Variants in INSYN2B observed in about 807,000 individuals in gnomAD.
The protein encoded by INSYN2B is protein INSYN2B.
In INSYN2B, 16 loss-of-function variants were observed where a neutral mutation model predicts 41.2. That is an observed-to-expected ratio of 0.39 (90% CI 0.26 to 0.59). The LOEUF is 0.59. INSYN2B is among the 20% of genes least tolerant of loss of function. The probability of loss-of-function intolerance (pLI) is 0.57; values close to 1 mark genes in which losing one functional copy is unlikely to be tolerated. For synonymous variants in INSYN2B, 245 were observed against 244.4 expected (o/e 1.00, Z -0.02); for missense variants, 608 against 646.4 (o/e 0.94, Z 0.64).
At chr5:169,922,595 C>T (rs1775234295) in intron 1 of INSYN2B, among the ~76,000 whole-genome samples, 1 of 152,194 alleles carries the variant, frequency 6.6e-6, no homozygotes. Context: ...TAGAGAATAT[C>T]ACCTACATTA....
intron 1 of INSYN2B, among the ~76,000 whole-genome samples, chr5:169,940,189 C>CT (rs1468058256): frequency 6.6e-6 from 1 of 152,190 alleles, no homozygotes; most frequent in Non-Finnish European, 1.5e-5. Context: ...AAGGGACCTG[C>CT]TGCTTTAACA....
At chr5:169,936,537 G>A (rs572809264) in intron 1 of INSYN2B, among the ~76,000 whole-genome samples, 2 of 150,256 alleles carry the variant, frequency 1.3e-5, no homozygotes, top group African/African-American at 4.9e-5. Flanking sequence ...TGTGTATTTC[G>A]ATGGGCATGT....
chr5:169,934,805 G>T, intron 1 of INSYN2B: 1 of 441,124 alleles, frequency 2.3e-6, no homozygotes, highest in South Asian at 1.6e-5. Context: ...ATTATTATCT[G>T]TATGATAAAT....
intron 1 of INSYN2B, among the ~76,000 whole-genome samples, chr5:169,894,565 G>C (rs1025722819): frequency 1.3e-5 from 2 of 150,284 alleles, no homozygotes; most frequent in African/African-American, 2.4e-5. Context: ...GGAAGAGAAG[G>C]GGGGAAGTTT....
intron 1 of INSYN2B, among the ~76,000 whole-genome samples, chr5:169,938,274 C>G (rs1013093464): frequency 6.6e-6 from 1 of 150,746 alleles, no homozygotes; most frequent in Non-Finnish European, 1.5e-5. Context: ...CTGGGATGTC[C>G]GTGTCCAAAC....
In INSYN2B at chr5:169,882,546, T is replaced by A; in HGVS notation, c.1346+7A>T. The A allele has an allele frequency of 1.3e-6, 2 of 1,531,564 alleles. No homozygotes were observed. The highest frequency in any genetic ancestry group is 1.8e-6 in the Non-Finnish European group (2 of 1,133,658). The allele number at this position is 1,531,564 out of a possible 1,614,324, so 94.9% of individuals were successfully genotyped here. On this transcript the variant is annotated splice_region_variant and intron_variant, in intron 2 of 3. Coordinates refer to ENST00000377365, the MANE Select transcript of INSYN2B (RefSeq NM_001129891.3). ...TCATTTTTAATATGAAAAAAAAATCTCCTTACCCTTCAGTGAGAGCTCGAG... is the reference window on the plus strand; with the variant it reads ...TCATTTTTAATATGAAAAAAAAATCACCTTACCCTTCAGTGAGAGCTCGAG...
intron 1 of INSYN2B, among the ~76,000 whole-genome samples, chr5:169,908,999 C>G (rs1774447519): frequency 6.6e-6 from 1 of 152,182 alleles, no homozygotes; most frequent in African/African-American, 2.4e-5. Flanking sequence ...GAGCCACTGT[C>G]TGGTGCTATT....
chr5:169,946,379 G>A (rs750450839), intron 1 of INSYN2B, among the ~76,000 whole-genome samples: 1 of 152,320 alleles, frequency 6.6e-6, no homozygotes, highest in South Asian at 2.1e-4. Flanking sequence ...GTCCAAGAAG[G>A]CTCTTCCAGG....
intron 1 of INSYN2B, among the ~76,000 whole-genome samples, chr5:169,968,472 T>A (rs1328317171): frequency 2.6e-5 from 4 of 152,174 alleles, no homozygotes; most frequent in Non-Finnish European, 5.9e-5. Context: ...CATGAGCATA[T>A]GATTAAGATA....
chr5:169,923,889 T>C (rs1455645130), intron 1 of INSYN2B, among the ~76,000 whole-genome samples: 1 of 152,202 alleles, frequency 6.6e-6, no homozygotes, highest in Non-Finnish European at 1.5e-5. Context: ...TGAGCTAAGA[T>C]GGAAGTTTTG....
chr5:169,971,249 T>C (rs574797413), intron 1 of INSYN2B, among the ~76,000 whole-genome samples: 1 of 150,868 alleles, frequency 6.6e-6, no homozygotes, highest in Non-Finnish European at 1.5e-5. Context: ...CAATGAAGTA[T>C]CATTCCCAGA....
intron 1 of INSYN2B, among the ~76,000 whole-genome samples, chr5:169,924,273 G>C (rs2113660428): frequency 6.6e-6 from 1 of 152,320 alleles, no homozygotes; most frequent in Admixed American, 6.5e-5. Flanking sequence ...GTCAGGCCAA[G>C]AGACATCAAG....
rs1004966294 is a variant in INSYN2B, at chr5:169,963,594, G to C, written c.-919+16683C>G. 2.0e-5 allele frequency among the ~76,000 whole-genome samples: 3 copies of C among 152,142 alleles called. No homozygotes were observed. In the South Asian group the frequency reaches 6.2e-4, roughly 31 times the overall value. The stretch of plus-strand genomic sequence containing the variant: ...CCATCACAGGGGCACTTACACAGCC[G>C]TTCCCCTCCGGTGCACATCAAAGCA... On this transcript the variant is annotated intron_variant, in intron 1 of 3. Transcript: ENST00000377365.
chr5:169,953,231 G>T (rs180740210), intron 1 of INSYN2B, among the ~76,000 whole-genome samples: 3 of 151,890 alleles, frequency 2.0e-5, no homozygotes, highest in Non-Finnish European at 4.4e-5. Context: ...TACTCAGGAG[G>T]CTGAGGCAGG....
chr5:169,877,342 G>A (rs1363938335), intron 3 of INSYN2B, among the ~76,000 whole-genome samples: 1 of 152,214 alleles, frequency 6.6e-6, no homozygotes, highest in Non-Finnish European at 1.5e-5. Flanking sequence ...AGGGAAAAGA[G>A]ACCTGTGTCA....
rs1026601403 is a variant in INSYN2B at position 169,917,836 on chromosome 5, A to G, written c.-918-33020T>C. 1.8e-4 allele frequency among the ~76,000 whole-genome samples: 28 copies of G among 152,296 alleles called. No homozygotes were observed. The Middle Eastern group carries it at 0.01, about 56-fold the overall frequency. On this transcript the variant is annotated intron_variant, in intron 1 of 3. Transcript: ENST00000377365. The stretch of plus-strand genomic sequence containing the variant: ...TAAGACTGGTAATTAAGGAGGAGTT[A>G]TTGTGCTAAAGCTGGTCTTCCCTTT...
Position 169,960,720 on chromosome 5 carries a change from G to GT in INSYN2B, c.-919+19556dup, listed in dbSNP as rs1777051045. 2.6e-5 allele frequency among the ~76,000 whole-genome samples: 4 copies of GT among 152,258 alleles called. No homozygotes were observed. The South Asian group carries it at 8.3e-4, about 32-fold the overall frequency. ...ACAATCCATGGTTTTACTTTCCATGGTTTGTTACTTGCAGTTAATTGTGGT... is the reference window on the plus strand; with the variant it reads ...ACAATCCATGGTTTTACTTTCCATGGTTTTGTTACTTGCAGTTAATTGTGGT... On this transcript the variant is annotated intron_variant, in intron 1 of 3. Coordinates refer to ENST00000377365, the MANE Select transcript of INSYN2B (RefSeq NM_001129891.3).
chr5:169,942,214 G>C (rs1561841134), intron 1 of INSYN2B, among the ~76,000 whole-genome samples: 1 of 152,172 alleles, frequency 6.6e-6, no homozygotes, highest in Admixed American at 6.5e-5. Flanking sequence ...ATGGAGAAGG[G>C]AGTTTAAAAA....
chr5:169,865,682 C>T lies in INSYN2B; in HGVS notation c.1422-1223G>A, dbSNP rs562904866. The stretch of plus-strand genomic sequence containing the variant: ...AGAAGGCCCAAGGATGAGGAGCCAG[C>T]GTGGGAGTGTGGGAAGTGGAGGAAA... On this transcript the variant is annotated intron_variant, in intron 3 of 3. Coordinates refer to ENST00000377365, the MANE Select transcript of INSYN2B (RefSeq NM_001129891.3). Among the ~76,000 whole-genome samples, 6 of 152,264 alleles carry T rather than the reference C, an allele frequency of 3.9e-5. No homozygotes were observed. In the South Asian group the frequency reaches 8.3e-4, roughly 21 times the overall value.
Sources: allele counts gnomAD v4.1 joint callset (sites outside exome capture counted in the v4.1 genomes callset), GRCh38; gene constraint gnomAD v4.1.1; transcripts MANE v1.5; gene names NCBI Gene and HGNC (gene_info 2026-07-23, HGNC 2026-07-21).